The following ARB2A variants were observed in gnomAD, a reference collection of about 807,000 sequenced individuals.
ARB2A encodes the protein ARB2 cotranscriptional regulator A.
chr5:93,682,287 C>A, the ARB2A span, among the ~76,000 whole-genome samples: 1 of 150,896 alleles, frequency 6.6e-6, no homozygotes, highest in Non-Finnish European at 1.5e-5. Flanking sequence ...TTTGATCTTG[C>A]CCACTGGAAA....
At chr5:93,811,531 G>A in the ARB2A span, among the ~76,000 whole-genome samples, 6 of 152,064 alleles carry the variant, frequency 3.9e-5, no homozygotes, top group South Asian at 2.1e-4. Context: ...GTGAAAAACC[G>A]GGACGTTGTC....
the ARB2A span, among the ~76,000 whole-genome samples, chr5:93,889,740 C>T: frequency 1.3e-5 from 2 of 151,604 alleles, no homozygotes; most frequent in Non-Finnish European, 2.9e-5. Flanking sequence ...CATCTGTGAC[C>T]CTTTGGTATA....
At chr5:94,059,618 C>CAAAAAAAAAA in the ARB2A span, among the ~76,000 whole-genome samples, 1 of 62,772 alleles carries the variant, frequency 1.6e-5, no homozygotes, top group Non-Finnish European at 2.6e-5. Flanking sequence ...GAGACTGTCT[C>CAAAAAAAAAA]AAAAAAAAAA....
chr5:93,718,898 T>C, the ARB2A span, among the ~76,000 whole-genome samples: 2 of 152,214 alleles, frequency 1.3e-5, no homozygotes, highest in Non-Finnish European at 2.9e-5. Flanking sequence ...AAACCATCTA[T>C]TAATGAGATT....
chr5:94,087,372 C>T, the ARB2A span, among the ~76,000 whole-genome samples: 2 of 151,960 alleles, frequency 1.3e-5, no homozygotes, highest in African/African-American at 2.4e-5. Flanking sequence ...ACCCACTGCA[C>T]TCCACCTGGG....
chr5:93,827,045 G>A, the ARB2A span, among the ~76,000 whole-genome samples: 11 of 151,832 alleles, frequency 7.2e-5, no homozygotes, highest in East Asian at 1.9e-4. Context: ...GAATAGTGCC[G>A]CAATAAACAT....
chr5:93,978,548 G>A, the ARB2A span, among the ~76,000 whole-genome samples: 11 of 152,082 alleles, frequency 7.2e-5, no homozygotes, highest in African/African-American at 2.4e-4. Flanking sequence ...TCACTTATAA[G>A]TGAGAGCTAA....
the ARB2A span, among the ~76,000 whole-genome samples, chr5:93,925,100 T>TC: frequency 1.3e-5 from 2 of 151,828 alleles, no homozygotes; most frequent in African/African-American, 2.4e-5. Context: ...ACTTAGCATT[T>TC]CCCCCCATAG....
At chr5:93,931,750 A>C in the ARB2A span, among the ~76,000 whole-genome samples, 1 of 152,054 alleles carries the variant, frequency 6.6e-6, no homozygotes, top group Non-Finnish European at 1.5e-5. Flanking sequence ...AAAAAAAAAA[A>C]TACTACCAGA....
At chr5:93,713,713 T>G in the ARB2A span, among the ~76,000 whole-genome samples, 1 of 151,024 alleles carries the variant, frequency 6.6e-6, no homozygotes, top group African/African-American at 2.4e-5. Context: ...AGAAAGGCAG[T>G]CAGTATATTG....
At chr5:93,675,539 C>T in the ARB2A span, among the ~76,000 whole-genome samples, 1 of 152,102 alleles carries the variant, frequency 6.6e-6, no homozygotes, top group Admixed American at 6.5e-5. Context: ...CTCACTCAGC[C>T]CCTCATTTTT....
the ARB2A span, among the ~76,000 whole-genome samples, chr5:93,836,129 G>A: frequency 2.0e-5 from 3 of 152,086 alleles, no homozygotes; most frequent in African/African-American, 4.8e-5. Context: ...CCAGGTTCGC[G>A]CCATTCTCCT....
chr5:94,099,324 T>C, the ARB2A span, among the ~76,000 whole-genome samples: 1 of 152,044 alleles, frequency 6.6e-6, no homozygotes, highest in African/African-American at 2.4e-5. Context: ...TGATTCAACA[T>C]ATGAAAATCA....
chr5:94,041,487 A>G, the ARB2A span, among the ~76,000 whole-genome samples: 2 of 152,078 alleles, frequency 1.3e-5, no homozygotes, highest in Non-Finnish European at 2.9e-5. Flanking sequence ...TGTGTGTGTG[A>G]TGTTTATATA....
chr5:94,048,312 C>G, the ARB2A span, among the ~76,000 whole-genome samples: 1 of 152,050 alleles, frequency 6.6e-6, no homozygotes, highest in South Asian at 2.1e-4. Flanking sequence ...CTTGGCCTCC[C>G]AAAGTGCTGG....
At chr5:93,780,950 T>C in the ARB2A span, among the ~76,000 whole-genome samples, 1 of 152,246 alleles carries the variant, frequency 6.6e-6, no homozygotes, top group Non-Finnish European at 1.5e-5. Context: ...TTCTGTGTGC[T>C]AAATTGGTAG....
At chr5:93,665,904 G>C in the ARB2A span, among the ~76,000 whole-genome samples, 1 of 152,172 alleles carries the variant, frequency 6.6e-6, no homozygotes, top group Non-Finnish European at 1.5e-5. Flanking sequence ...ATAGGCACCA[G>C]AGACGTTCTT....
the ARB2A span, among the ~76,000 whole-genome samples, chr5:93,788,635 C>T: frequency 3.3e-5 from 5 of 152,312 alleles, no homozygotes; most frequent in South Asian, 1.0e-3. Context: ...TCTTCCAGAA[C>T]TCCACCATAA....
At chr5:93,852,112 C>T in the ARB2A span, among the ~76,000 whole-genome samples, 1 of 152,196 alleles carries the variant, frequency 6.6e-6, no homozygotes, top group Non-Finnish European at 1.5e-5. Context: ...CTCTCCAGCA[C>T]CTGTTGTTTC....
Sources: gnomAD v4.1 joint callset for allele counts (sites outside exome capture counted in the v4.1 genomes callset) on GRCh38, gnomAD v4.1.1 for gene constraint, MANE v1.5 for transcripts, NCBI Gene and HGNC (gene_info 2026-07-23, HGNC 2026-07-21) for gene names.